The following BMP2K variants were observed in gnomAD, a reference collection of about 807,000 sequenced individuals.
BMP2K encodes the protein BMP2 inducible kinase, also known as BMP-2-inducible protein kinase.
BMP2K carries 74 observed loss-of-function variants against 116.0 expected under a neutral mutation model. The observed-to-expected ratio is 0.64, with a 90% CI of 0.53 to 0.77. The LOEUF is 0.77. Among genes scored for constraint, BMP2K ranks in the 30% least tolerant of loss-of-function variants. The pLI, the probability that BMP2K is intolerant of heterozygous loss-of-function variation, is 0.00. For missense variants in BMP2K, 1,365 were observed against 1,403.6 expected (o/e 0.97, Z 0.44); for synonymous variants, 486 against 502.5 (o/e 0.97, Z 0.44).
At chr4:78,784,875 G>A (rs747978118) in intron 1 of BMP2K, among the ~76,000 whole-genome samples, 33 of 152,122 alleles carry the variant, frequency 2.2e-4, no homozygotes, top group Non-Finnish European at 1.8e-4. Context: ...AAATGAATTT[G>A]TAACATCTTT....
At chr4:78,814,227 C>G (rs1375629488) in intron 1 of BMP2K, among the ~76,000 whole-genome samples, 2 of 152,174 alleles carry the variant, frequency 1.3e-5, no homozygotes, top group African/African-American at 4.8e-5. Context: ...TTTTCTTTTT[C>G]TCATGCTCAT....
chr4:78,843,485 A>G (rs1464788185), intron 4 of BMP2K, among the ~76,000 whole-genome samples: 1 of 151,792 alleles, frequency 6.6e-6, no homozygotes, highest in Non-Finnish European at 1.5e-5. Context: ...TGCCTGATAC[A>G]TAGCAGAGTC....
intron 1 of BMP2K, among the ~76,000 whole-genome samples, chr4:78,807,135 AGCCACCGT>A (rs1260394409): frequency 1.3e-4 from 20 of 152,200 alleles, no homozygotes; most frequent in African/African-American, 4.8e-4. Context: ...TATAGGTGGG[AGCCACCGT>A]GCCTGGCTGG....
chr4:78,800,167 G>A (rs1282229402), intron 1 of BMP2K, among the ~76,000 whole-genome samples: 1 of 152,126 alleles, frequency 6.6e-6, no homozygotes, highest in Non-Finnish European at 1.5e-5. Context: ...TCTGTTTTCT[G>A]GGCCATGGTT....
At position 78,802,520 on chromosome 4, in the gene BMP2K, A is replaced by G. The variant is rs116386497; in HGVS notation, c.179-23517A>G. Among the ~76,000 whole-genome samples the G allele has an allele frequency of 4.1e-3, 621 of 152,330 alleles. 1 individual carries two copies. Among genetic ancestry groups the G allele is most frequent in the African/African-American group, 0.014 (588 of 41,580 alleles). The stretch of plus-strand genomic sequence containing the variant: ...ATACCTAAATAAGAAATTATTTTCT[A>G]CCTTGAAGTTATACATACAGTCTCC... On this transcript the variant is annotated intron_variant, in intron 1 of 15. Transcript: ENST00000502613.
intron 5 of BMP2K, among the ~76,000 whole-genome samples, chr4:78,846,275 A>T (rs1730995015): frequency 6.6e-6 from 1 of 151,394 alleles, no homozygotes; most frequent in African/African-American, 2.4e-5. Flanking sequence ...CACTTTTTTG[A>T]TGCTGGGGTG....
intron 7 of BMP2K, among the ~76,000 whole-genome samples, chr4:78,851,522 T>C (rs901285974): frequency 3.3e-5 from 5 of 152,132 alleles, no homozygotes; most frequent in Non-Finnish European, 7.4e-5. Flanking sequence ...TAGCTCCTTT[T>C]AACACGGAGT....
At chr4:78,907,003 A>T (rs1023636752) in intron 15 of BMP2K, among the ~76,000 whole-genome samples, 2 of 152,158 alleles carry the variant, frequency 1.3e-5, no homozygotes, top group Admixed American at 1.3e-4. Context: ...AATTGATACT[A>T]AAAAAGGAGG....
chr4:78,817,775 G>A (rs185263469), intron 1 of BMP2K, among the ~76,000 whole-genome samples: 3 of 152,218 alleles, frequency 2.0e-5, no homozygotes, highest in East Asian at 1.9e-4. Flanking sequence ...CATCTAATCT[G>A]TCTAACCTCT....
In BMP2K at chr4:78,865,776, A is replaced by G. The variant is rs1577939529; in HGVS notation, c.1231+56A>G. 28 of 1,552,574 alleles carry G rather than the reference A, an allele frequency of 1.8e-5. No individual in the cohort carries two copies. In the South Asian group the frequency reaches 3.1e-4, roughly 17 times the overall value. ...AAAGGTTAATGTTAATAAACCTTTC[A>G]TGATTTGATTTCCTGACCTCAGGTG... On this transcript the variant is annotated intron_variant, in intron 10 of 15. Transcript: ENST00000502613.
chr4:78,777,520 AT>A (rs1445576944), intron 1 of BMP2K, among the ~76,000 whole-genome samples: 1 of 152,242 alleles, frequency 6.6e-6, no homozygotes, highest in East Asian at 1.9e-4. Flanking sequence ...AGAACTTAGA[AT>A]TTAGTTTTGT....
intron 3 of BMP2K, among the ~76,000 whole-genome samples, chr4:78,836,741 A>G (rs1047102483): frequency 1.3e-5 from 2 of 152,154 alleles, no homozygotes; most frequent in Admixed American, 1.3e-4. Flanking sequence ...GCCCACATTG[A>G]TTGTTACTTT....
At chr4:78,828,256 G>A (rs966608634) in intron 2 of BMP2K, among the ~76,000 whole-genome samples, 7 of 152,190 alleles carry the variant, frequency 4.6e-5, no homozygotes, top group African/African-American at 1.7e-4. Context: ...AGAACTCAGG[G>A]AAACACTTAT....
intron 15 of BMP2K, among the ~76,000 whole-genome samples, chr4:78,889,126 C>T (rs976541003): frequency 6.8e-6 from 1 of 146,730 alleles, no homozygotes; most frequent in African/African-American, 2.5e-5. Context: ...GAGGCTAAGG[C>T]AGGAGAATGG....
intron 14 of BMP2K, among the ~76,000 whole-genome samples, chr4:78,886,522 G>C (rs7679125): frequency 0.065 from 9,919 of 152,176 alleles, 963 homozygotes; most frequent in African/African-American, 0.22. Context: ...TGTTTTGTTT[G>C]ACCTTACATG....
At chr4:78,815,182 G>A (rs549395344) in intron 1 of BMP2K, among the ~76,000 whole-genome samples, 17 of 152,072 alleles carry the variant, frequency 1.1e-4, no homozygotes, top group Non-Finnish European at 2.5e-4. Flanking sequence ...ATACACTTTG[G>A]TGTGAAATTG....
At chr4:78,785,803 G>A (rs543820009) in intron 1 of BMP2K, among the ~76,000 whole-genome samples, 5 of 152,260 alleles carry the variant, frequency 3.3e-5, no homozygotes, top group African/African-American at 1.2e-4. Context: ...CTCGTTTAGA[G>A]AATTATATTA....
At chr4:78,910,322 A>G (rs1204163371) in intron 15 of BMP2K, among the ~76,000 whole-genome samples, 1 of 152,198 alleles carries the variant, frequency 6.6e-6, no homozygotes, top group Non-Finnish European at 1.5e-5. Flanking sequence ...TTGCTAGTCT[A>G]CTACATTCTG....
chr4:78,865,027 A>G (rs1304534529), intron 9 of BMP2K, among the ~76,000 whole-genome samples: 1 of 152,220 alleles, frequency 6.6e-6, no homozygotes, highest in Non-Finnish European at 1.5e-5. Context: ...TGTTCTAAGT[A>G]AAGCAAAGTT....
Sources: allele counts gnomAD v4.1 joint callset (sites outside exome capture counted in the v4.1 genomes callset), GRCh38; gene constraint gnomAD v4.1.1; transcripts MANE v1.5; gene names NCBI Gene and HGNC (gene_info 2026-07-23, HGNC 2026-07-21).